SCN11A: variants seen among roughly 807,000 people sequenced by gnomAD.
SCN11A encodes the protein sodium voltage-gated channel alpha subunit 11.
In SCN11A, 122 loss-of-function variants were observed where a neutral mutation model predicts 162.2. That is an observed-to-expected ratio of 0.75 (90% CI 0.65 to 0.87). The LOEUF is 0.87. Ranked by LOEUF, SCN11A falls within the 40% of genes least tolerant of loss-of-function variation. The pLI is 0.00. For synonymous variants in SCN11A, 758 were observed against 751.5 expected, an observed-to-expected ratio of 1.01 and a Z score of -0.14; for missense variants, 2,015 against 2,181.6, an observed-to-expected ratio of 0.92 and a Z score of 1.52.
chr3:38,996,746 C>T (rs569523742), intron 2 of SCN11A, among the ~76,000 whole-genome samples: 1 of 152,158 alleles, frequency 6.6e-6, no homozygotes, highest in East Asian at 1.9e-4. Flanking sequence ...TCTTCCATGC[C>T]CTATAGTTGT....
chr3:39,025,546 C>T (rs2031567333), intron 2 of SCN11A, among the ~76,000 whole-genome samples: 1 of 151,960 alleles, frequency 6.6e-6, no homozygotes, highest in African/African-American at 2.4e-5. Flanking sequence ...CTGTTTTAGA[C>T]CATATAGGGT....
At chr3:39,026,654 A>G (rs539422616) in intron 2 of SCN11A, among the ~76,000 whole-genome samples, 10 of 152,180 alleles carry the variant, frequency 6.6e-5, no homozygotes, top group Middle Eastern at 3.2e-3. Context: ...GACAAGTGGG[A>G]AATTATGGCC....
intron 11 of SCN11A, among the ~76,000 whole-genome samples, chr3:38,917,472 T>C (rs565904591): frequency 6.6e-6 from 1 of 152,374 alleles, no homozygotes; most frequent in Admixed American, 6.5e-5. Context: ...TGCCATGGAA[T>C]ACTATGCAGC....
At chr3:38,951,339 C>G (rs954922850) in intron 4 of SCN11A, among the ~76,000 whole-genome samples, 2 of 152,262 alleles carry the variant, frequency 1.3e-5, no homozygotes, top group Non-Finnish European at 2.9e-5. Flanking sequence ...GCAGAGTCGG[C>G]CCACTGGCGC....
At chr3:38,880,354 C>G (rs980926014) in intron 22 of SCN11A, among the ~76,000 whole-genome samples, 1 of 152,150 alleles carries the variant, frequency 6.6e-6, no homozygotes, top group African/African-American at 2.4e-5. Flanking sequence ...AATAGTTCCT[C>G]AACTGCTTAT....
chr3:39,043,989 C>T (rs1051285268), intron 1 of SCN11A, among the ~76,000 whole-genome samples: 2 of 151,986 alleles, frequency 1.3e-5, no homozygotes, highest in African/African-American at 4.8e-5. Flanking sequence ...ACTATGTACC[C>T]ACGAAAGTTA....
At position 38,904,102 on chromosome 3, in the gene SCN11A, T is replaced by C. The variant is rs567731857; in HGVS notation, c.1605A>G (p.Glu535=). 7.7e-6 allele frequency: 12 copies of C among 1,554,488 alleles called. No homozygotes were observed. In the South Asian group the frequency reaches 1.5e-4, roughly 20 times the overall value. The change falls in exon 16 of 30, where the codon GAA becomes GAG. Residue 535 remains glutamate, a splice_region_variant and synonymous_variant. Transcript: ENST00000302328. Reference sequence around the variant, plus strand: ...GACAAGGCTCTTGTGATTTTTCTTGTTCTGGAGGAGAATGAGCGAGAGGTT... The same window carrying C: ...GACAAGGCTCTTGTGATTTTTCTTGCTCTGGAGGAGAATGAGCGAGAGGTT... ...AVSILTITMK[E]QEKSQEPCLP... is the part of the protein sequence containing the mutation.
Position 38,867,454 on chromosome 3 carries a change from T to G in SCN11A, c.3818A>C (p.Glu1273Ala). ...ATTGCTCTCAAACTCTGGCTGTTGT[T>G]CTTTCTGTTAGAAATTTTTTTAATA... is the stretch of plus-strand genomic sequence containing the variant. Reference protein sequence around the residue: ...IYAAVDSTEKEQQPEFESNSL... With the variant: ...IYAAVDSTEKAQQPEFESNSL... The change falls in exon 27 of 30, where the codon GAA (glutamate) becomes GCA (alanine). Residue 1273 changes from glutamate to alanine, a missense_variant. Physicochemically the swap from Glu to Ala is moderately radical, Grantham distance 107 (BLOSUM62 -1). Transcript: ENST00000302328. 6.3e-7 allele frequency: 1 copy of G among 1,591,378 alleles called. No homozygotes were observed. Among genetic ancestry groups the G allele is most frequent in the South Asian group, 1.2e-5 (1 of 86,646 alleles).
intron 2 of SCN11A, among the ~76,000 whole-genome samples, chr3:38,984,074 C>G (rs1156815620): frequency 1.3e-5 from 2 of 152,214 alleles, no homozygotes; most frequent in Non-Finnish European, 2.9e-5. Context: ...CCTTCTACAG[C>G]CTCCCTCTTT....
intron 7 of SCN11A, among the ~76,000 whole-genome samples, chr3:38,933,389 G>A (rs563201118): frequency 1.1e-4 from 17 of 152,344 alleles, no homozygotes; most frequent in African/African-American, 4.1e-4. Flanking sequence ...ACTTTGACGA[G>A]TTGAGAGAAG....
chr3:39,018,001 T>G (rs960682656), intron 2 of SCN11A, among the ~76,000 whole-genome samples: 2 of 152,190 alleles, frequency 1.3e-5, no homozygotes, highest in African/African-American at 4.8e-5. Context: ...TTGGAAAGAG[T>G]TTTGTTTCTT....
chr3:38,846,896 A>G lies in SCN11A; in HGVS notation c.5174T>C (p.Val1725Ala), dbSNP rs758474363. 3.1e-6 allele frequency: 5 copies of G among 1,614,038 alleles called. No homozygotes were observed. The highest frequency in any genetic ancestry group is 4.2e-6 in the Non-Finnish European group (5 of 1,179,994). ...CTCTTCCTTTCTCTTGGTGGTGGTG[A>G]CTATGGGTTCATACAACTTCTTGAG... ...NPLKKLYEPI[V>A]TTTKRKEEER... The change falls in exon 30 of 30, where the codon GTC becomes GCC. Residue 1725 changes from valine to alanine, a missense_variant. Val to Ala is a moderately conservative substitution (Grantham distance 64). Transcript: ENST00000302328.
At position 39,024,396 on chromosome 3, in the gene SCN11A, T is replaced by C. The variant is rs552016088; in HGVS notation, c.-280+7984A>G. On this transcript the variant is annotated intron_variant, in intron 2 of 29. Coordinates refer to ENST00000302328, the MANE Select transcript of SCN11A (RefSeq NM_001349253.2). ...CCCTTTGGAATGAGGTTAGGTCTTA[T>C]GACCTACTATCAGGCAAGGGCAGAT... 3.9e-5 allele frequency among the ~76,000 whole-genome samples: 6 copies of C among 152,360 alleles called. No homozygotes were observed. The East Asian group carries it at 9.6e-4, about 24-fold the overall frequency.
chr3:38,918,466 G>A (rs934869686), intron 11 of SCN11A, among the ~76,000 whole-genome samples: 2 of 152,152 alleles, frequency 1.3e-5, no homozygotes, highest in Non-Finnish European at 2.9e-5. Context: ...AGGGATCTAG[G>A]TTGCACGCTC....
rs1575337081 is a variant in SCN11A at position 38,960,267 on chromosome 3, G to A, written c.-139+16C>T. Among the ~76,000 whole-genome samples, 3 of 152,152 alleles carry A rather than the reference G, an allele frequency of 2.0e-5. No individual in the cohort carries two copies. The highest frequency in any genetic ancestry group is 1.9e-4 in the East Asian group (1 of 5,192). ...GAAAGAACAGAACAGGCCTGCACCC[G>A]GCCCAGAGGACTTACCTGACTTCTT... is the stretch of plus-strand genomic sequence containing the variant. On this transcript the variant is annotated intron_variant, in intron 3 of 29. Transcript: ENST00000302328.
At chr3:38,883,020 T>G (rs1220837976) in intron 22 of SCN11A, among the ~76,000 whole-genome samples, 1 of 152,156 alleles carries the variant, frequency 6.6e-6, no homozygotes, top group African/African-American at 2.4e-5. Flanking sequence ...TTAGTTAGTC[T>G]TCCACACAGA....
chr3:38,868,426 G>A (rs1245628516), intron 26 of SCN11A, among the ~76,000 whole-genome samples: 1 of 152,188 alleles, frequency 6.6e-6, no homozygotes, highest in Non-Finnish European at 1.5e-5. Flanking sequence ...AGAATATTTA[G>A]CATTAGACAT....
chr3:39,010,207 A>C (rs1448725248), intron 2 of SCN11A, among the ~76,000 whole-genome samples: 1 of 152,128 alleles, frequency 6.6e-6, no homozygotes, highest in East Asian at 1.9e-4. Context: ...AATCCTAAAA[A>C]ACCCACAAAT....
At chr3:39,003,544 C>G (rs545462051) in intron 2 of SCN11A, among the ~76,000 whole-genome samples, 2 of 152,194 alleles carry the variant, frequency 1.3e-5, no homozygotes, top group Non-Finnish European at 2.9e-5. Flanking sequence ...TGGGTCTGTA[C>G]GCACTAATGA....
Sources: allele counts gnomAD v4.1 joint callset (sites outside exome capture counted in the v4.1 genomes callset), GRCh38; gene constraint gnomAD v4.1.1; transcripts MANE v1.5; gene names NCBI Gene and HGNC (gene_info 2026-07-23, HGNC 2026-07-21).